The following GOLT1A variants were observed in gnomAD, a reference collection of about 807,000 sequenced individuals.
GOLT1A encodes the protein vesicle transport protein GOT1A.
GOLT1A carries 10 observed loss-of-function variants against 16.1 expected under a neutral mutation model. The ratio of observed to expected loss-of-function variants is 0.62; its 90% CI spans 0.38 to 1.05. The LOEUF (loss-of-function observed/expected upper bound fraction) is 1.05, where lower values mean the gene tolerates loss of function less well. Ranked by LOEUF, GOLT1A falls within the 50% of genes least tolerant of loss-of-function variation. The pLI, the probability that GOLT1A is intolerant of heterozygous loss-of-function variation, is 0.01. For synonymous variants in GOLT1A, 60 were observed against 67.9 expected (o/e 0.88, Z 0.57); for missense variants, 137 against 165.7 (o/e 0.83, Z 0.95).
chr1:204,208,849 A>C (rs2102339796), intron 1 of GOLT1A, among the ~76,000 whole-genome samples: 1 of 152,254 alleles, frequency 6.6e-6, no homozygotes. Context: ...AAACCTATTG[A>C]AATAAACAAG....
At position 204,200,295 on chromosome 1, in the gene GOLT1A, A is replaced by ATGTG. The variant is rs150180519; in HGVS notation, c.297-1041_297-1038dup. Among the ~76,000 whole-genome samples the ATGTG allele has an allele frequency of 1.3e-3, 130 of 97,318 alleles. 2 individuals carry two copies. The highest frequency in any genetic ancestry group is 2.4e-3 in the African/African-American group (45 of 19,002). The allele number at this position is 97,318 out of a possible 152,430, so 63.8% of individuals were successfully genotyped here. ...AAGCGACTGTTTGAAAATGACATAT[A>ATGTG]TGTGTATATATATATATATATATAT... On this transcript the variant is annotated intron_variant, in intron 3 of 4. Coordinates refer to ENST00000308302, the MANE Select transcript of GOLT1A (RefSeq NM_198447.2).
intron 2 of GOLT1A, among the ~76,000 whole-genome samples, chr1:204,202,209 C>T (rs1050697835): frequency 1.3e-5 from 2 of 151,748 alleles, no homozygotes; most frequent in African/African-American, 4.8e-5. Context: ...ACAGAACCTT[C>T]AGAGGCTCCA....
intron 1 of GOLT1A, among the ~76,000 whole-genome samples, chr1:204,208,460 TTG>T (rs1283981328): frequency 6.3e-4 from 35 of 55,764 alleles, no homozygotes; most frequent in African/African-American, 1.2e-3. Context: ...ATATGTATAC[TTG>T]TGTGTGTGTG....
chr1:204,198,833 C>A, intron 4 of GOLT1A: 1 of 479,890 alleles, frequency 2.1e-6, no homozygotes, highest in South Asian at 3.1e-5. Flanking sequence ...ACATTCTCTC[C>A]ATGCCTGGGG....
chr1:204,209,627 ATAACTACCTGTGACATAGGTACTACTAT>A (rs1659107349), intron 1 of GOLT1A, among the ~76,000 whole-genome samples: 1 of 152,258 alleles, frequency 6.6e-6, no homozygotes, highest in South Asian at 2.1e-4. Context: ...TTTAATTTTC[ATAACTACCTGTGACATAGGTACTACTAT>A]TAGCACCATT....
At chr1:204,199,407 A>T in intron 3 of GOLT1A, 149 bp from the exon 4 acceptor site, 1 of 668,474 alleles carries the variant, frequency 1.5e-6, no homozygotes, top group Admixed American at 2.4e-5. Context: ...TCCGAGAGAC[A>T]GTCGAGTGAC....
intron 2 of GOLT1A, 36 bp downstream of exon 2, chr1:204,202,860 G>A: frequency 1.4e-6 from 2 of 1,471,666 alleles, no homozygotes; most frequent in Non-Finnish European, 1.9e-6. Context: ...GAAAGGTTGG[G>A]GCAGGGGAGT....
chr1:204,211,097 G>A (rs181104923), intron 1 of GOLT1A, among the ~76,000 whole-genome samples: 3 of 151,732 alleles, frequency 2.0e-5, no homozygotes, highest in African/African-American at 4.8e-5. Context: ...TCCCGGCCAC[G>A]ATCATCTCTT....
chr1:204,198,397 C>G lies in GOLT1A; in HGVS notation c.*61G>C. 1 of 1,477,310 alleles carries G rather than the reference C, an allele frequency of 6.8e-7. No homozygotes were observed. Among genetic ancestry groups the G allele is most frequent in the Non-Finnish European group, 9.5e-7 (1 of 1,057,226 alleles). 91.5% of individuals were successfully genotyped at this position (1,477,310 alleles called of 1,614,324 possible). A position where few individuals can be genotyped will look rare whatever the true frequency, so the allele number is the denominator to read the frequency against. ...AGTGCAGGGGACTGAGGGGGTGGTTCCCATTCTCCCTCTAGCCCCCTCAAC... is the reference window on the plus strand; with the variant it reads ...AGTGCAGGGGACTGAGGGGGTGGTTGCCATTCTCCCTCTAGCCCCCTCAAC... On this transcript the variant is annotated 3_prime_UTR_variant, in exon 5 of 5. Coordinates refer to ENST00000308302, the MANE Select transcript of GOLT1A (RefSeq NM_198447.2).
rs145974171 is a variant in GOLT1A, at chr1:204,206,845, CCTT to C, written c.26-3861_26-3859del. Among the ~76,000 whole-genome samples, 618 of 152,338 alleles carry C rather than the reference CCTT, an allele frequency of 4.1e-3. 3 individuals are homozygous for C. Among genetic ancestry groups the C allele is most frequent in the African/African-American group, 0.014 (592 of 41,572 alleles). On this transcript the variant is annotated intron_variant, in intron 1 of 4. Coordinates refer to ENST00000308302, the MANE Select transcript of GOLT1A (RefSeq NM_198447.2). ...CATGATGTCCATTCTCCTGTTTATT[CCTT>C]CTTCTTCTGCAGCAGTGATTTGCTG...
intron 1 of GOLT1A, among the ~76,000 whole-genome samples, chr1:204,204,328 A>C (rs574576911): frequency 4.6e-5 from 7 of 152,228 alleles, no homozygotes; most frequent in Admixed American, 4.6e-4. Flanking sequence ...AGCCTCCAAC[A>C]ACCACCATTT....
At chr1:204,206,811 A>G (rs2102338243) in intron 1 of GOLT1A, among the ~76,000 whole-genome samples, 1 of 152,374 alleles carries the variant, frequency 6.6e-6, no homozygotes, top group African/African-American at 2.4e-5. Context: ...TAAGTTTCTC[A>G]CATTCACACA....
At chr1:204,200,299 G>GTA (rs141284578) in intron 3 of GOLT1A, among the ~76,000 whole-genome samples, 2,238 of 82,588 alleles carry the variant, frequency 0.027, 174 homozygotes, top group Admixed American at 0.094. Context: ...ACATATATGT[G>GTA]TATATATATA....
chr1:204,209,690 G>T (rs759040652), intron 1 of GOLT1A, among the ~76,000 whole-genome samples: 9 of 152,182 alleles, frequency 5.9e-5, no homozygotes, highest in Non-Finnish European at 1.2e-4. Flanking sequence ...GAAACACAGA[G>T]GTTAAGTCAC....
chr1:204,210,981 C>T (rs919160986), intron 1 of GOLT1A, among the ~76,000 whole-genome samples: 8 of 142,756 alleles, frequency 5.6e-5, no homozygotes, highest in African/African-American at 1.6e-4. Context: ...CACCACTTAA[C>T]GCAGAAGCCC....
rs537003711 is a variant in GOLT1A at position 204,199,586 on chromosome 1, C to T, written c.297-328G>A. ...AGTATCTACATCATAAGGCCACGTACAAAGAAATGCTCAGGAAGTGCTTAT... is the reference window on the plus strand; with the variant it reads ...AGTATCTACATCATAAGGCCACGTATAAAGAAATGCTCAGGAAGTGCTTAT... On this transcript the variant is annotated intron_variant, in intron 3 of 4. Coordinates refer to ENST00000308302, the MANE Select transcript of GOLT1A (RefSeq NM_198447.2). Among the ~76,000 whole-genome samples, 4 of 152,310 alleles carry T rather than the reference C, an allele frequency of 2.6e-5. No individual in the cohort carries two copies. In the South Asian group the frequency reaches 8.3e-4, roughly 32 times the overall value.
At chr1:204,205,253 G>A (rs1038773102) in intron 1 of GOLT1A, among the ~76,000 whole-genome samples, 3 of 152,060 alleles carry the variant, frequency 2.0e-5, no homozygotes, top group Admixed American at 2.0e-4. Flanking sequence ...GTGCTGTAAT[G>A]CTTTCCCCTA....
Position 204,199,737 on chromosome 1 carries a change from G to A in GOLT1A, c.297-479C>T, listed in dbSNP as rs377296711. ...GGGGCTGTTGGAAGCCATGCTCACC[G>A]TTACACTCCCTGGTGCCCTGGCTCC... is the stretch of plus-strand genomic sequence containing the variant. On this transcript the variant is annotated intron_variant, in intron 3 of 4. Transcript: ENST00000308302. Among the ~76,000 whole-genome samples, 449 of 152,264 alleles carry A rather than the reference G, an allele frequency of 2.9e-3. 1 individual carries two copies. Among genetic ancestry groups the A allele is most frequent in the African/African-American group, 9.1e-3 (377 of 41,544 alleles).
chr1:204,201,625 G>T lies in GOLT1A; in HGVS notation c.296+8C>A. On this transcript the variant is annotated splice_region_variant and intron_variant, in intron 3 of 4. Coordinates refer to ENST00000308302, the MANE Select transcript of GOLT1A (RefSeq NM_198447.2). ...GGTCTGTCCAGGGTTATAGGGATTTGCACTCACTTAAAGAGGCTGAAGAAT... is the reference window on the plus strand; with the variant it reads ...GGTCTGTCCAGGGTTATAGGGATTTTCACTCACTTAAAGAGGCTGAAGAAT... 1 of 1,613,816 alleles carries T rather than the reference G, an allele frequency of 6.2e-7. No homozygotes were observed. The highest frequency in any genetic ancestry group is 8.5e-7 in the Non-Finnish European group (1 of 1,179,822).
Sources: gnomAD v4.1 joint callset for allele counts (sites outside exome capture counted in the v4.1 genomes callset) on GRCh38, gnomAD v4.1.1 for gene constraint, MANE v1.5 for transcripts, NCBI Gene and HGNC (gene_info 2026-07-23, HGNC 2026-07-21) for gene names.